The following PTPRT variants were observed in gnomAD, a reference collection of about 807,000 sequenced individuals.
PTPRT encodes receptor-type tyrosine-protein phosphatase T.
Under a neutral mutation model 176.8 loss-of-function variants are expected in PTPRT, and 56 were observed. That is an observed-to-expected ratio of 0.32 (90% confidence interval 0.26 to 0.40). The LOEUF (loss-of-function observed/expected upper bound fraction) is 0.40. PTPRT is among the 10% of genes least tolerant of loss of function. PTPRT has a pLI of 1.00. For synonymous variants in PTPRT, 783 were observed against 739.0 expected (o/e 1.06, Z -0.96); for missense variants, 1,540 against 1,908.2 (o/e 0.81, Z 3.60).
chr20:42,173,066 T>A (rs1390189559), intron 16 of PTPRT, among the ~76,000 whole-genome samples: 1 of 152,218 alleles, frequency 6.6e-6, no homozygotes, highest in Non-Finnish European at 1.5e-5. Flanking sequence ...TGTCATTCCT[T>A]TGACGGCCTT....
chr20:42,918,752 C>CA (rs1185180669), intron 1 of PTPRT, among the ~76,000 whole-genome samples: 1 of 152,154 alleles, frequency 6.6e-6, no homozygotes, highest in African/African-American at 2.4e-5. Context: ...AGGCATGCTG[C>CA]AATCAGGGGT....
intron 6 of PTPRT, among the ~76,000 whole-genome samples, chr20:42,718,409 C>T (rs183110361): frequency 2.6e-5 from 4 of 152,082 alleles, no homozygotes; most frequent in South Asian, 2.1e-4. Context: ...TGGTGGCGGG[C>T]GCCAGTAGTT....
intron 6 of PTPRT, among the ~76,000 whole-genome samples, chr20:42,705,928 G>A (rs2076047888): frequency 6.6e-6 from 1 of 152,074 alleles, no homozygotes; most frequent in Non-Finnish European, 1.5e-5. Flanking sequence ...GACTAGGATG[G>A]TCCTAGGCCT....
At chr20:42,880,072 T>A (rs1018192543) in intron 2 of PTPRT, among the ~76,000 whole-genome samples, 3 of 152,100 alleles carry the variant, frequency 2.0e-5, no homozygotes, top group African/African-American at 7.2e-5. Context: ...GATCTGCTGG[T>A]GCCACACTCC....
chr20:42,662,751 G>A (rs1056851937), intron 7 of PTPRT, among the ~76,000 whole-genome samples: 20 of 152,080 alleles, frequency 1.3e-4, no homozygotes, highest in African/African-American at 4.8e-4. Context: ...TGAACACTGA[G>A]CTTGAAGCTT....
At chr20:42,116,053 C>G (rs1278567293) in intron 21 of PTPRT, 1 of 725,064 alleles carries the variant, frequency 1.4e-6, no homozygotes, top group Non-Finnish European at 2.6e-6. Context: ...CCGGGGGACG[C>G]CGCACGGCCT....
At chr20:42,874,580 A>T (rs2078899779) in intron 2 of PTPRT, among the ~76,000 whole-genome samples, 1 of 152,222 alleles carries the variant, frequency 6.6e-6, no homozygotes, top group Non-Finnish European at 1.5e-5. Flanking sequence ...TAAAATATTA[A>T]TTGAAAAATA....
chr20:43,023,043 G>C (rs2146180563), intron 1 of PTPRT, among the ~76,000 whole-genome samples: 2 of 152,330 alleles, frequency 1.3e-5, no homozygotes, highest in Middle Eastern at 6.8e-3. Context: ...TATCTCTTCT[G>C]AAAGAAGGAG....
chr20:42,299,338 C>A (rs962380298), intron 12 of PTPRT, among the ~76,000 whole-genome samples: 1 of 151,966 alleles, frequency 6.6e-6, no homozygotes, highest in Non-Finnish European at 1.5e-5. Context: ...AAATACATAA[C>A]CATATTCTAG....
At chr20:42,640,876 G>A (rs140771028) in intron 7 of PTPRT, among the ~76,000 whole-genome samples, 10 of 152,120 alleles carry the variant, frequency 6.6e-5, no homozygotes, top group Admixed American at 1.3e-4. Context: ...ATTGTTCCTC[G>A]GGCCCCACCA....
chr20:42,782,071 T>G (rs982396598), intron 3 of PTPRT, among the ~76,000 whole-genome samples: 1 of 152,202 alleles, frequency 6.6e-6, no homozygotes, highest in African/African-American at 2.4e-5. Flanking sequence ...TTTACTAGAA[T>G]TATTATCACA....
chr20:42,568,032 C>T (rs750790938), intron 7 of PTPRT, among the ~76,000 whole-genome samples: 20 of 151,216 alleles, frequency 1.3e-4, no homozygotes, highest in Non-Finnish European at 2.4e-4. Flanking sequence ...TGCAGTGACA[C>T]GATCTTGGCT....
At chr20:42,055,935 A>G in the PTPRT span, among the ~76,000 whole-genome samples, 1 of 152,114 alleles carries the variant, frequency 6.6e-6, no homozygotes, top group Non-Finnish European at 1.5e-5. Flanking sequence ...TAGGGAGGTT[A>G]GCTGATCACT....
intron 2 of PTPRT, among the ~76,000 whole-genome samples, chr20:42,827,562 G>C (rs560305923): frequency 1.3e-5 from 2 of 152,324 alleles, no homozygotes; most frequent in East Asian, 1.9e-4. Flanking sequence ...GCAGTGTTAA[G>C]AGGGAAATCT....
At chr20:42,812,171 AT>A (rs890101552) in intron 2 of PTPRT, among the ~76,000 whole-genome samples, 1 of 151,962 alleles carries the variant, frequency 6.6e-6, no homozygotes, top group Admixed American at 6.6e-5. Flanking sequence ...ATGTCTTGGT[AT>A]CTAGCATTCT....
chr20:42,248,552 T>C, intron 14 of PTPRT, 135 bp downstream of exon 14: 2 of 1,170,996 alleles, frequency 1.7e-6, no homozygotes, highest in Non-Finnish European at 2.4e-6. Context: ...AGCCGGCCCA[T>C]GTATTTCCGG....
intron 2 of PTPRT, among the ~76,000 whole-genome samples, chr20:42,844,654 G>T (rs2145737839): frequency 6.6e-6 from 1 of 152,266 alleles, no homozygotes; most frequent in Admixed American, 6.5e-5. Flanking sequence ...TGGGCTAAGT[G>T]GGGCTCTCAT....
At chr20:42,816,386 A>C (rs558807296) in intron 2 of PTPRT, among the ~76,000 whole-genome samples, 8 of 152,376 alleles carry the variant, frequency 5.3e-5, no homozygotes, top group Non-Finnish European at 7.3e-5. Context: ...CAATTTACAC[A>C]GTAAGAATAA....
chr20:43,018,895 G>T (rs1346483171), intron 1 of PTPRT, among the ~76,000 whole-genome samples: 2 of 152,132 alleles, frequency 1.3e-5, no homozygotes, highest in African/African-American at 2.4e-5. Context: ...AATGGATATT[G>T]TTACAGCCCT....
Sources: allele counts gnomAD v4.1 joint callset (sites outside exome capture counted in the v4.1 genomes callset), GRCh38; gene constraint gnomAD v4.1.1; transcripts MANE v1.5; gene names NCBI Gene and HGNC (gene_info 2026-07-23, HGNC 2026-07-21).